Variants in MTERF4 observed in about 807,000 individuals in gnomAD.
MTERF4 encodes the protein mitochondrial transcription termination factor 4, also known as transcription termination factor 4, mitochondrial.
A neutral mutation model predicts 22.5 loss-of-function variants in MTERF4; 17 were observed. The observed-to-expected ratio is 0.75, with a 90% CI of 0.52 to 1.13. MTERF4 has a LOEUF of 1.13. Ranked by LOEUF, MTERF4 falls within the 50% of genes most tolerant of loss-of-function variation. The probability of loss-of-function intolerance (pLI) is 0.00; values close to 1 mark genes in which losing one functional copy is unlikely to be tolerated. For synonymous variants in MTERF4, 165 were observed against 175.3 expected (o/e 0.94, Z 0.47); for missense variants, 420 against 466.8 (o/e 0.90, Z 0.92).
downstream of MTERF4, chr2:241,088,553 G>A (rs189081421): frequency 2.4e-5 from 16 of 668,050 alleles, no homozygotes; most frequent in Non-Finnish European, 3.9e-5. Flanking sequence ...CAGACTCCCG[G>A]GCAGGAAGGT....
the MTERF4 span, among the ~76,000 whole-genome samples, chr2:241,050,352 T>A: frequency 6.6e-6 from 1 of 152,134 alleles, no homozygotes; most frequent in Non-Finnish European, 1.5e-5. Flanking sequence ...GGCGTAGCTA[T>A]CCCCGCCAGG....
intron 3 of MTERF4, 124 bp downstream of exon 3, chr2:241,097,119 C>T (rs2064473678): frequency 8.4e-7 from 1 of 1,192,162 alleles, no homozygotes; most frequent in African/African-American, 1.5e-5. Context: ...ATTTGAAAAA[C>T]CTGAGAAACT....
chr2:241,053,886 C>T, the MTERF4 span, among the ~76,000 whole-genome samples: 16 of 152,340 alleles, frequency 1.1e-4, no homozygotes, highest in Admixed American at 8.5e-4. Flanking sequence ...GCAGGTGCAT[C>T]GCATTATGCC....
Position 241,073,520 on chromosome 2 carries a change from AT to A in MTERF4, n.2641del. On this transcript the variant is annotated non_coding_transcript_exon_variant, in exon 5 of 5. Transcript: ENST00000464344. The surrounding 1 kb of genome is among the most constrained non-coding windows in gnomAD (Gnocchi z 6.6). ...GCACCAGGCACCCCGGTGTGGGAAGATGGGGTGAAGCTACACCACCCAAGCA... is the reference window on the plus strand; with the variant it reads ...GCACCAGGCACCCCGGTGTGGGAAGAGGGGTGAAGCTACACCACCCAAGCA... The A allele has an allele frequency of 1.5e-6, 1 of 689,518 alleles. No homozygotes were observed. The highest frequency in any genetic ancestry group is 2.6e-6 in the Non-Finnish European group (1 of 379,556). The allele number at this position is 689,518 out of a possible 1,614,324, so 42.7% of individuals were successfully genotyped here. A position where few individuals can be genotyped will look rare whatever the true frequency, so the allele number is the denominator to read the frequency against.
chr2:241,050,158 C>A, the MTERF4 span: 1 of 587,810 alleles, frequency 1.7e-6, no homozygotes, highest in Admixed American at 2.9e-5. Flanking sequence ...TTACCTTGCT[C>A]TTCTGAAAAT....
the MTERF4 span, among the ~76,000 whole-genome samples, chr2:241,056,915 A>T: frequency 1.3e-5 from 2 of 152,190 alleles, no homozygotes; most frequent in Non-Finnish European, 1.5e-5. Flanking sequence ...AGCATCAGAG[A>T]TCTGTGGGAC....
At chr2:241,062,986 T>A in the MTERF4 span, 2 of 888,282 alleles carry the variant, frequency 2.3e-6, no homozygotes, top group South Asian at 1.7e-5. Flanking sequence ...CCCGGACAGG[T>A]CTCTGTCTGG....
At chr2:241,101,260 C>A in intron 1 of MTERF4, 1 of 451,224 alleles carries the variant, frequency 2.2e-6, no homozygotes, top group Non-Finnish European at 4.7e-6. Context: ...CATCGGGCAT[C>A]AGATTCTCAT....
At chr2:241,102,124 G>GTCA in intron 1 of MTERF4, 129 bp downstream of exon 1, 1 of 1,311,168 alleles carries the variant, frequency 7.6e-7, no homozygotes, top group Non-Finnish European at 1.1e-6. Context: ...CCAAAACCAG[G>GTCA]TCAGCGTGCA....
chr2:241,049,661 C>A, the MTERF4 span, among the ~76,000 whole-genome samples: 1 of 152,208 alleles, frequency 6.6e-6, no homozygotes, highest in African/African-American at 2.4e-5. Flanking sequence ...AGAGCCCACT[C>A]TGAGGAATCA....
chr2:241,085,930 G>A (rs771209559), downstream of MTERF4, among the ~76,000 whole-genome samples: 6 of 145,016 alleles, frequency 4.1e-5, no homozygotes, highest in Admixed American at 7.1e-5. Flanking sequence ...GCAGTGGAGC[G>A]ATCTCAGCTC....
chr2:241,090,868 C>CA (rs371271027), downstream of MTERF4, among the ~76,000 whole-genome samples: 10,217 of 100,596 alleles, frequency 0.1, 475 homozygotes, highest in East Asian at 0.25. Context: ...CCCTCTGTCT[C>CA]AAAAAAAAAA....
At chr2:241,090,956 C>T (rs895016262), downstream of MTERF4, among the ~76,000 whole-genome samples, 4 of 152,010 alleles carry the variant, frequency 2.6e-5, no homozygotes, top group African/African-American at 4.8e-5. Context: ...GTCATGCGCG[C>T]GGTCCTTCAT....
At chr2:241,057,630 G>C in the MTERF4 span, among the ~76,000 whole-genome samples, 1 of 151,770 alleles carries the variant, frequency 6.6e-6, no homozygotes, top group African/African-American at 2.4e-5. Context: ...GCTATAGTGA[G>C]CTATGATCAT....
chr2:241,086,966 T>C (rs1037786107), downstream of MTERF4: 1 of 157,126 alleles, frequency 6.4e-6, no homozygotes, highest in African/African-American at 2.4e-5. Flanking sequence ...TGTTCTACAA[T>C]GCCTACATCC....
chr2:241,102,177 G>A (rs1344786070), intron 1 of MTERF4, 76 bp downstream of exon 1: 2 of 1,543,436 alleles, frequency 1.3e-6, no homozygotes, highest in African/African-American at 2.8e-5. Flanking sequence ...TGAAACACTC[G>A]GCGGCCGCGG....
At chr2:241,084,122 G>T (rs1466455965), downstream of MTERF4, among the ~76,000 whole-genome samples, 1 of 148,356 alleles carries the variant, frequency 6.7e-6, no homozygotes, top group African/African-American at 2.5e-5. Flanking sequence ...CAATATGATG[G>T]CAGCGTCTAG....
chr2:241,100,512 G>A (rs2064655885), intron 1 of MTERF4, among the ~76,000 whole-genome samples: 1 of 152,064 alleles, frequency 6.6e-6, no homozygotes, highest in South Asian at 2.1e-4. Context: ...TGCCCAGGCT[G>A]GAGTGCAGTG....
the MTERF4 span, among the ~76,000 whole-genome samples, chr2:241,058,022 T>A: frequency 1.3e-5 from 2 of 152,168 alleles, no homozygotes; most frequent in Non-Finnish European, 2.9e-5. Context: ...GGTGAGAGAT[T>A]GCCAGATGTG....
Sources: allele counts gnomAD v4.1 joint callset (sites outside exome capture counted in the v4.1 genomes callset), GRCh38; gene constraint gnomAD v4.1.1; non-coding constraint Gnocchi (gnomAD v3.1); transcripts MANE v1.5; gene names NCBI Gene and HGNC (gene_info 2026-07-23, HGNC 2026-07-21).